GRAMD4: variants seen among roughly 807,000 people sequenced by gnomAD.
GRAMD4 encodes GRAM domain containing 4, also known as GRAM domain-containing protein 4.
A neutral mutation model predicts 83.9 loss-of-function variants in GRAMD4; 25 were observed. The observed-to-expected ratio is 0.30, with a 90% CI of 0.22 to 0.42. The LOEUF (loss-of-function observed/expected upper bound fraction) is 0.42, where lower values mean the gene tolerates loss of function less well. Among genes scored for constraint, GRAMD4 ranks in the 10% least tolerant of loss-of-function variants. The pLI is 1.00. For synonymous variants in GRAMD4, 336 were observed against 320.9 expected, an observed-to-expected ratio of 1.05 and a Z score of -0.50; for missense variants, 593 against 788.7, an observed-to-expected ratio of 0.75 and a Z score of 2.97.
At chr22:46,639,337 T>C (rs1391337519) in intron 3 of GRAMD4, among the ~76,000 whole-genome samples, 1 of 83,032 alleles carries the variant, frequency 1.2e-5, no homozygotes, top group African/African-American at 5.0e-5. Flanking sequence ...TGCACGTGTG[T>C]GGTGGTTAAC....
intron 2 of GRAMD4, among the ~76,000 whole-genome samples, chr22:46,629,919 C>T (rs890361666): frequency 2.6e-5 from 4 of 152,292 alleles, no homozygotes; most frequent in East Asian, 1.9e-4. Flanking sequence ...GTCCTTTGCT[C>T]GCATAAGGGA....
chr22:46,626,198 C>A (rs2081656058), intron 1 of GRAMD4, among the ~76,000 whole-genome samples: 1 of 152,106 alleles, frequency 6.6e-6, no homozygotes. Context: ...AGGAGAGAAT[C>A]AACCGAGGCA....
chr22:46,681,147 G>T (rs185331363), downstream of GRAMD4, among the ~76,000 whole-genome samples: 2 of 151,268 alleles, frequency 1.3e-5, no homozygotes, highest in Non-Finnish European at 2.9e-5. Context: ...TACCTAACCC[G>T]TTGGCAGCCC....
At chr22:46,663,805 C>A in intron 6 of GRAMD4, 33 bp from the exon 7 acceptor site, 1 of 1,611,574 alleles carries the variant, frequency 6.2e-7, no homozygotes, top group Non-Finnish European at 8.5e-7. Context: ...GGTGCATTAA[C>A]CCTGGGCTCC....
chr22:46,640,523 C>A (rs2081959713), intron 3 of GRAMD4, among the ~76,000 whole-genome samples: 1 of 152,194 alleles, frequency 6.6e-6, no homozygotes, highest in Non-Finnish European at 1.5e-5. Context: ...CTGCTGGCGT[C>A]CCTGGACCAG....
chr22:46,648,789 T>TA (rs2082114903), intron 3 of GRAMD4, among the ~76,000 whole-genome samples: 1 of 131,636 alleles, frequency 7.6e-6, no homozygotes, highest in African/African-American at 3.1e-5. Context: ...GATGGATGGA[T>TA]GGATGGATGG....
At chr22:46,581,505 C>T (rs2081098255) in intron 1 of GRAMD4, among the ~76,000 whole-genome samples, 1 of 152,234 alleles carries the variant, frequency 6.6e-6, no homozygotes, top group Non-Finnish European at 1.5e-5. Context: ...TTCCTGATAA[C>T]CCTCCTCTAA....
intron 1 of GRAMD4, among the ~76,000 whole-genome samples, chr22:46,603,551 C>G (rs1268389990): frequency 9.8e-5 from 10 of 102,386 alleles, no homozygotes; most frequent in African/African-American, 3.0e-4. Context: ...GAGTCTCACT[C>G]TGTCACCCAG....
At chr22:46,585,236 G>T (rs2081137625) in intron 1 of GRAMD4, among the ~76,000 whole-genome samples, 2 of 150,816 alleles carry the variant, frequency 1.3e-5, no homozygotes, top group Admixed American at 1.3e-4. Flanking sequence ...TGTTGCCCAG[G>T]CTGGAGTGCA....
At chr22:46,608,033 C>T (rs901685454) in intron 1 of GRAMD4, among the ~76,000 whole-genome samples, 18 of 152,198 alleles carry the variant, frequency 1.2e-4, no homozygotes, top group Non-Finnish European at 1.0e-4. Context: ...TGTATCCTTG[C>T]GCTGAGGGTC....
At position 46,626,812 on chromosome 22, in the gene GRAMD4, T is replaced by A. The variant is rs1330371264; in HGVS notation, c.13T>A (p.Leu5Met). 1 of 1,613,434 alleles carries A rather than the reference T, an allele frequency of 6.2e-7. No homozygotes were observed. The highest frequency in any genetic ancestry group is 8.5e-7 in the Non-Finnish European group (1 of 1,179,718). Residue 5 changes from leucine (L) to methionine (M), a missense_variant, in exon 2 of 19, where the codon TTG (leucine) becomes ATG (methionine). Around this residue, in one of 4 missense-constraint regions of GRAMD4, gnomAD observed 312 missense variants for 350.7 expected, o/e 0.89. Transcript: ENST00000406902. MLRR[L>M]DKIRFRGHKR... Reference sequence around the variant, plus strand: ...CTCAGTGCTGAACATGCTAAGGAGGTTGGACAAAATCAGGTTCAGAGGTCA... The same window carrying A: ...CTCAGTGCTGAACATGCTAAGGAGGATGGACAAAATCAGGTTCAGAGGTCA...
At chr22:46,673,246 G>A (rs780367136) in intron 14 of GRAMD4, among the ~76,000 whole-genome samples, 7 of 152,206 alleles carry the variant, frequency 4.6e-5, no homozygotes, top group Non-Finnish European at 1.0e-4. Context: ...GCAGGCCTGG[G>A]AGTGACCACT....
At chr22:46,578,243 A>G (rs2081064514) in intron 1 of GRAMD4, among the ~76,000 whole-genome samples, 1 of 152,130 alleles carries the variant, frequency 6.6e-6, no homozygotes, top group Non-Finnish European at 1.5e-5. Context: ...CCTACATGCC[A>G]AAAAGGAGGT....
At chr22:46,649,005 T>C (rs1018280557) in intron 3 of GRAMD4, among the ~76,000 whole-genome samples, 1 of 152,068 alleles carries the variant, frequency 6.6e-6, no homozygotes, top group Non-Finnish European at 1.5e-5. Flanking sequence ...AATGAACCAA[T>C]AGGCTGTTTC....
chr22:46,576,836 GGCGTGGCCGTGGCCGGCGGCGGCCGC>G (rs2081046009), upstream of GRAMD4, among the ~76,000 whole-genome samples: 3 of 147,164 alleles, frequency 2.0e-5, no homozygotes, highest in Non-Finnish European at 4.5e-5. Flanking sequence ...GCGCGCGGAC[GGCGTGGCCGTGGCCGGCGGCGGCCGC>G]GCGTGCGCGT....
intron 14 of GRAMD4, 21 bp from the exon 15 acceptor site, chr22:46,673,649 G>A (rs374538429): frequency 1.0e-4 from 167 of 1,607,016 alleles, no homozygotes; most frequent in East Asian, 6.7e-4. Context: ...GCCTGACCTC[G>A]ACGCTGTTTG....
intron 9 of GRAMD4, among the ~76,000 whole-genome samples, chr22:46,666,041 G>A (rs764606568): frequency 2.8e-4 from 43 of 152,364 alleles, no homozygotes; most frequent in Non-Finnish European, 2.8e-4. Flanking sequence ...TCCACGCCCC[G>A]GAAGGTTCCT....
intron 1 of GRAMD4, among the ~76,000 whole-genome samples, chr22:46,610,866 T>C (rs2081410159): frequency 6.6e-6 from 1 of 152,252 alleles, no homozygotes; most frequent in Non-Finnish European, 1.5e-5. Flanking sequence ...TAGTTTTTGC[T>C]TGCCTACCTG....
At chr22:46,601,587 A>G (rs1361429496) in intron 1 of GRAMD4, among the ~76,000 whole-genome samples, 2 of 152,112 alleles carry the variant, frequency 1.3e-5, no homozygotes, top group African/African-American at 4.8e-5. Flanking sequence ...ACCTGAGGTC[A>G]GGAGTTCGAG....
Sources: gnomAD v4.1 joint callset for allele counts (sites outside exome capture counted in the v4.1 genomes callset) on GRCh38, gnomAD v4.1.1 for gene constraint, gnomAD v4.1.1 regional missense constraint, MANE v1.5 for transcripts, NCBI Gene and HGNC (gene_info 2026-07-23, HGNC 2026-07-21) for gene names.